Variants in TSHZ1 observed in about 807,000 individuals in gnomAD.
The protein encoded by TSHZ1 is teashirt homolog 1.
TSHZ1 carries 12 observed loss-of-function variants against 67.1 expected under a neutral mutation model. The observed-to-expected ratio is 0.18, with a 90% CI of 0.11 to 0.29. TSHZ1 has a LOEUF of 0.29. Among genes scored for constraint, TSHZ1 ranks in the 10% least tolerant of loss-of-function variants. TSHZ1 has a pLI of 1.00. For synonymous variants in TSHZ1, 632 were observed against 622.4 expected (o/e 1.02, Z -0.23); for missense variants, 1,305 against 1,413.9 (o/e 0.92, Z 1.23).
At chr18:75,225,469 C>G (rs149151144) in intron 1 of TSHZ1, among the ~76,000 whole-genome samples, 11 of 152,334 alleles carry the variant, frequency 7.2e-5, no homozygotes, top group Admixed American at 4.6e-4. Flanking sequence ...TGACTGTGAG[C>G]TGGCCCATCT....
At position 75,287,553 on chromosome 18, in the gene TSHZ1, A is replaced by G; in HGVS notation, c.2146A>G (p.Thr716Ala). Residue 716 changes from threonine to alanine, a missense_variant, in exon 2 of 2, where the codon ACA becomes GCA. Around this residue, in one of 3 missense-constraint regions of TSHZ1, gnomAD observed 909 missense variants for 961.8 expected, o/e 0.95. Transcript: ENST00000580243. The surrounding 1 kb of genome is among the most constrained non-coding windows in gnomAD (Gnocchi z 5.0). Reference sequence around the variant, plus strand: ...GCTGGACGTTCACACCCCAAATGGCACAGAGCCTCTCAAAGCAAAGGTCAC... The same window carrying G: ...GCTGGACGTTCACACCCCAAATGGCGCAGAGCCTCTCAAAGCAAAGGTCAC... ...GPLDVHTPNG[T>A]EPLKAKVTNG... 6.2e-7 allele frequency: 1 copy of G among 1,614,238 alleles called. No homozygotes were observed. Among genetic ancestry groups the G allele is most frequent in the Non-Finnish European group, 8.5e-7 (1 of 1,180,050 alleles).
chr18:75,268,444 G>T (rs1028749872), intron 1 of TSHZ1, among the ~76,000 whole-genome samples: 2 of 152,196 alleles, frequency 1.3e-5, no homozygotes, highest in African/African-American at 2.4e-5. Flanking sequence ...CCTGTCCAAA[G>T]ACATCAAAGC....
intron 1 of TSHZ1, among the ~76,000 whole-genome samples, chr18:75,221,359 A>G (rs1168064808): frequency 6.6e-6 from 1 of 152,208 alleles, no homozygotes; most frequent in East Asian, 1.9e-4. Flanking sequence ...GATGAAATAA[A>G]TTAAATCAGC....
At position 75,274,563 on chromosome 18, in the gene TSHZ1, C is replaced by T. The variant is rs1324743333; in HGVS notation, c.41-10885C>T. Among the ~76,000 whole-genome samples the T allele has an allele frequency of 3.9e-5, 6 of 152,152 alleles. No individual in the cohort carries two copies. In the South Asian group the frequency reaches 1.2e-3, roughly 32 times the overall value. On this transcript the variant is annotated intron_variant, in intron 1 of 1. Transcript: ENST00000580243. ...TAATATATTCCAGTACATTTGTACC[C>T]ATAAGAACTAAAGATTGTTAGAAAA...
chr18:75,247,334 G>C lies in TSHZ1; in HGVS notation c.40+35418G>C, dbSNP rs1412793214. On this transcript the variant is annotated intron_variant, in intron 1 of 1. Coordinates refer to ENST00000580243, the MANE Select transcript of TSHZ1 (RefSeq NM_001308210.2). ...GGCCACACTGCTCCTGCCAGGGGGG[G>C]CTGTGCCTCTTCTCTCAGTGAGTGG... 2.6e-5 allele frequency among the ~76,000 whole-genome samples: 4 copies of C among 152,204 alleles called. No individual in the cohort carries two copies. The East Asian group carries it at 5.8e-4, about 22-fold the overall frequency.
At position 75,285,884 on chromosome 18, in the gene TSHZ1, A is replaced by AACCC; in HGVS notation, c.477_478insACCC (p.Pro160ThrfsTer61). 1 of 649,454 alleles carries AACCC rather than the reference A, an allele frequency of 1.5e-6. No homozygotes were observed. The highest frequency in any genetic ancestry group is 2.0e-6 in the Non-Finnish European group (1 of 490,468). 40.2% of individuals were successfully genotyped at this position (649,454 alleles called of 1,614,324 possible). Reference sequence around the variant, plus strand: ...AGGAGAGCTCCGCCCCCACCCCCACACCCCCCACCTGCCCCGTCAGCACCA... The same window carrying AACCC: ...AGGAGAGCTCCGCCCCCACCCCCACAACCCCCCCCCACCTGCCCCGTCAGCACCA... On this transcript the variant is annotated frameshift_variant, in exon 2 of 2. Coordinates refer to ENST00000580243, the MANE Select transcript of TSHZ1 (RefSeq NM_001308210.2). LOFTEE classifies it high-confidence loss of function.
At chr18:75,250,924 G>A (rs1243417779) in intron 1 of TSHZ1, among the ~76,000 whole-genome samples, 1 of 152,202 alleles carries the variant, frequency 6.6e-6, no homozygotes, top group African/African-American at 2.4e-5. Context: ...TTCAGTGCCT[G>A]TGCCCTCAAG....
At chr18:75,273,734 C>T (rs1371563956) in intron 1 of TSHZ1, among the ~76,000 whole-genome samples, 1 of 152,212 alleles carries the variant, frequency 6.6e-6, no homozygotes, top group Non-Finnish European at 1.5e-5. Flanking sequence ...TTTCATGTTG[C>T]TCAGGATGAC....
At chr18:75,217,710 T>C (rs550543608) in intron 1 of TSHZ1, among the ~76,000 whole-genome samples, 19 of 152,322 alleles carry the variant, frequency 1.2e-4, no homozygotes, top group African/African-American at 4.6e-4. Context: ...GTATATGGGT[T>C]TCTACCTGCA....
chr18:75,222,512 G>A (rs994891733), intron 1 of TSHZ1, among the ~76,000 whole-genome samples: 1 of 151,982 alleles, frequency 6.6e-6, no homozygotes, highest in Non-Finnish European at 1.5e-5. Flanking sequence ...GCAGAGCTCC[G>A]AGAAGCTGGT....
intron 1 of TSHZ1, among the ~76,000 whole-genome samples, chr18:75,239,146 C>T (rs976344451): frequency 2.4e-4 from 37 of 152,244 alleles, no homozygotes; most frequent in African/African-American, 8.7e-4. Flanking sequence ...CCCACATGGA[C>T]ACAGGGTCCC....
At position 75,286,073 on chromosome 18, in the gene TSHZ1, G is replaced by A. The variant is rs770865667; in HGVS notation, c.666G>A (p.Leu222=). 2 of 1,613,180 alleles carry A rather than the reference G, an allele frequency of 1.2e-6. No individual in the cohort carries two copies. Among genetic ancestry groups the A allele is most frequent in the Non-Finnish European group, 8.5e-7 (1 of 1,179,412 alleles). The part of the protein sequence containing the change: ...SSYGLLPEPS[L]FSTVQLYRQN... ...ATGGGCTGCTTCCTGAGCCCAGCCT[G>A]TTCAGCACCGTGCAGCTCTACCGCC... The change falls in exon 2 of 2, where the codon CTG becomes CTA. Residue 222 remains leucine (L), a synonymous_variant. Coordinates refer to ENST00000580243, the MANE Select transcript of TSHZ1 (RefSeq NM_001308210.2). The surrounding 1 kb of genome is among the most constrained non-coding windows in gnomAD (Gnocchi z 5.1).
At chr18:75,261,026 C>A (rs2023423680) in intron 1 of TSHZ1, among the ~76,000 whole-genome samples, 1 of 151,976 alleles carries the variant, frequency 6.6e-6, no homozygotes. Context: ...GTATGGGCTT[C>A]CCCCGGGAGT....
intron 1 of TSHZ1, among the ~76,000 whole-genome samples, chr18:75,251,106 C>A (rs546601767): frequency 2.0e-5 from 3 of 152,270 alleles, no homozygotes; most frequent in African/African-American, 7.2e-5. Flanking sequence ...CTGGTAAAGT[C>A]AATTACTGAA....
chr18:75,274,019 T>G (rs977482088), intron 1 of TSHZ1, among the ~76,000 whole-genome samples: 1 of 152,138 alleles, frequency 6.6e-6, no homozygotes, highest in East Asian at 1.9e-4. Flanking sequence ...CGGCGGCGCC[T>G]CCTCCTGGGC....
chr18:75,249,364 C>T (rs1486420054), intron 1 of TSHZ1, among the ~76,000 whole-genome samples: 1 of 151,678 alleles, frequency 6.6e-6, no homozygotes, highest in Non-Finnish European at 1.5e-5. Context: ...GTGGGGGCAG[C>T]TGGCCTTCTC....
rs11876225 is a variant in TSHZ1 at position 75,250,443 on chromosome 18, C to G, written c.41-35005C>G. On this transcript the variant is annotated intron_variant, in intron 1 of 1. Coordinates refer to ENST00000580243, the MANE Select transcript of TSHZ1 (RefSeq NM_001308210.2). ...CTGTAGCTGGCAGGCGGCCTGTCCT[C>G]CCTGCAGCAAGGGGCCAGGGTGGGC... Among the ~76,000 whole-genome samples, 539 of 152,344 alleles carry G rather than the reference C, an allele frequency of 3.5e-3. 2 individuals are homozygous for G. Among genetic ancestry groups the G allele is most frequent in the Middle Eastern group, 0.027 (8 of 294 alleles).
intron 1 of TSHZ1, among the ~76,000 whole-genome samples, chr18:75,214,620 G>T (rs894819736): frequency 6.6e-6 from 1 of 152,080 alleles, no homozygotes; most frequent in East Asian, 1.9e-4. Flanking sequence ...TGATTGTTTG[G>T]TAGCCAGGAA....
chr18:75,232,788 T>C (rs961369919), intron 1 of TSHZ1, among the ~76,000 whole-genome samples: 2 of 152,254 alleles, frequency 1.3e-5, no homozygotes, highest in African/African-American at 4.8e-5. Context: ...AGAAATTTAG[T>C]GCATATACTG....
Sources: gnomAD v4.1 joint callset for allele counts (sites outside exome capture counted in the v4.1 genomes callset) on GRCh38, gnomAD v4.1.1 for gene constraint, gnomAD v4.1.1 regional missense constraint, Gnocchi (gnomAD v3.1) non-coding constraint, MANE v1.5 for transcripts, NCBI Gene and HGNC (gene_info 2026-07-23, HGNC 2026-07-21) for gene names.